ULK4: variants seen among roughly 807,000 people sequenced by gnomAD.
ULK4 encodes inactive serine/threonine-protein kinase ULK4.
ULK4 carries 133 observed loss-of-function variants against 160.6 expected under a neutral mutation model. That is an observed-to-expected ratio of 0.83 (90% CI 0.72 to 0.96). The LOEUF (loss-of-function observed/expected upper bound fraction) is 0.96, where lower values mean the gene tolerates loss of function less well. ULK4 is among the 40% of genes least tolerant of loss of function. The pLI, the probability that ULK4 is intolerant of heterozygous loss-of-function variation, is 0.00. For missense variants in ULK4, 1,580 were observed against 1,499.5 expected (o/e 1.05, Z -0.89); for synonymous variants, 534 against 539.8 (o/e 0.99, Z 0.15).
intron 32 of ULK4, among the ~76,000 whole-genome samples, chr3:41,530,000 T>C (rs917692599): frequency 6.6e-6 from 1 of 151,840 alleles, no homozygotes. Context: ...GCTAAGGGGG[T>C]ACATGGGATT....
intron 21 of ULK4, among the ~76,000 whole-genome samples, chr3:41,768,201 T>C (rs549581172): frequency 2.0e-5 from 3 of 152,178 alleles, no homozygotes; most frequent in East Asian, 1.9e-4. Flanking sequence ...CTGGAAAAAA[T>C]TGCCTTTCAC....
intron 16 of ULK4, among the ~76,000 whole-genome samples, chr3:41,888,232 T>C (rs1214538735): frequency 6.6e-6 from 1 of 152,148 alleles, no homozygotes; most frequent in East Asian, 1.9e-4. Context: ...TATGAGACAT[T>C]CTCTGTCTTT....
chr3:41,952,724 A>C lies in ULK4; in HGVS notation c.138+1898T>G, dbSNP rs138065080. 1.1e-4 allele frequency among the ~76,000 whole-genome samples: 16 copies of C among 152,368 alleles called. No homozygotes were observed. The East Asian group carries it at 3.1e-3, about 29-fold the overall frequency. Reference sequence around the variant, plus strand: ...AGCAATTCCACTTCTGAGTATATACACAAAATAAAGCAAGATCTCAAAGAG... The same window carrying C: ...AGCAATTCCACTTCTGAGTATATACCCAAAATAAAGCAAGATCTCAAAGAG... On this transcript the variant is annotated intron_variant, in intron 2 of 36. Transcript: ENST00000301831.
chr3:41,702,936 C>G lies in ULK4; in HGVS notation c.2781+2121G>C, dbSNP rs934092925. Among the ~76,000 whole-genome samples, 4 of 151,284 alleles carry G rather than the reference C, an allele frequency of 2.6e-5. No individual in the cohort carries two copies. The South Asian group carries it at 6.3e-4, about 24-fold the overall frequency. On this transcript the variant is annotated intron_variant, in intron 27 of 36. Transcript: ENST00000301831. Reference sequence around the variant, plus strand: ...CAGCACAACCTCAGCTCACTGCAACCTCCGCCTCCCAGGTTCAAGCGACTC... The same window carrying G: ...CAGCACAACCTCAGCTCACTGCAACGTCCGCCTCCCAGGTTCAAGCGACTC...
rs141905921 is a variant in ULK4 at position 41,813,663 on chromosome 3, C to G, written c.1848+5760G>C. ...GGATTTTAATAAGAGCTAAAATGTA[C>G]AGTTATATTTTCTGGTTTTTTAAAT... On this transcript the variant is annotated intron_variant, in intron 19 of 36. Coordinates refer to ENST00000301831, the MANE Select transcript of ULK4 (RefSeq NM_017886.4). 4.6e-3 allele frequency among the ~76,000 whole-genome samples: 706 copies of G among 152,200 alleles called. 2 individuals are homozygous for G. The highest frequency in any genetic ancestry group is 7.9e-3 in the Non-Finnish European group (535 of 67,994).
chr3:41,666,869 G>C (rs943044801), intron 29 of ULK4, among the ~76,000 whole-genome samples: 3 of 152,050 alleles, frequency 2.0e-5, no homozygotes, highest in Admixed American at 2.0e-4. Flanking sequence ...ATTGGCCAGG[G>C]ATAGTGGCTC....
At chr3:41,438,166 A>T (rs1393625883) in intron 34 of ULK4, among the ~76,000 whole-genome samples, 2 of 150,186 alleles carry the variant, frequency 1.3e-5, no homozygotes, top group Non-Finnish European at 2.9e-5. Context: ...GGCATTTTTT[A>T]AAATAATTAT....
rs568073757 is a variant in ULK4 at position 41,643,244 on chromosome 3, T to C, written c.3071+20363A>G. On this transcript the variant is annotated intron_variant, in intron 30 of 36. Coordinates refer to ENST00000301831, the MANE Select transcript of ULK4 (RefSeq NM_017886.4). ...GCTTTTGTTGCCATTGCTTTTGGTG[T>C]TTTAGACATGAAGTCCTTGCCCATG... Among the ~76,000 whole-genome samples the C allele has an allele frequency of 3.9e-5, 6 of 152,242 alleles. No homozygotes were observed. The East Asian group carries it at 1.2e-3, about 29-fold the overall frequency.
intron 3 of ULK4, among the ~76,000 whole-genome samples, chr3:41,936,296 T>G (rs903527411): frequency 2.6e-5 from 4 of 152,224 alleles, no homozygotes; most frequent in African/African-American, 9.6e-5. Context: ...CGTTTACTGT[T>G]GTGCAGTCAG....
In ULK4 at chr3:41,800,248, C is replaced by T; in HGVS notation, c.1894G>A (p.Val632Ile). 4 of 1,613,112 alleles carry T rather than the reference C, an allele frequency of 2.5e-6. No homozygotes were observed. The highest frequency in any genetic ancestry group is 1.1e-5 in the South Asian group (1 of 90,776). Residue 632 changes from valine to isoleucine, a missense_variant, in exon 20 of 37, where the codon GTC becomes ATC. Physicochemically the swap from Val to Ile is conservative, Grantham distance 29. Coordinates refer to ENST00000301831, the MANE Select transcript of ULK4 (RefSeq NM_017886.4). The stretch of plus-strand genomic sequence containing the variant: ...GACTGAGCAGAAAAGGTGGTACAGA[C>T]ATTTTCAATAATTTTTGCTGCCATG... ...NHMAAKIIENVCTTFSAQSQG... is the reference protein window; with the variant it reads ...NHMAAKIIENICTTFSAQSQG...
chr3:41,715,486 G>A lies in ULK4; in HGVS notation c.2538C>T (p.Leu846=). The A allele has an allele frequency of 3.1e-6, 5 of 1,614,082 alleles. No homozygotes were observed. Among genetic ancestry groups the A allele is most frequent in the South Asian group, 2.2e-5 (2 of 91,074 alleles). The change falls in exon 24 of 37, where the codon CTC becomes CTT. Residue 846 remains leucine (L), a synonymous_variant. Coordinates refer to ENST00000301831, the MANE Select transcript of ULK4 (RefSeq NM_017886.4). ...GGTGAAGCACTACAGGCATCAGGGG[G>A]AGACACAACTTCAGCTGTTTCACTT... The part of the protein sequence containing the change: ...TVQVKQLKLC[L]PLMPVVLHLV...
At chr3:41,603,903 T>C (rs550249686) in intron 31 of ULK4, among the ~76,000 whole-genome samples, 49 of 152,120 alleles carry the variant, frequency 3.2e-4, no homozygotes, top group Non-Finnish European at 5.6e-4. Context: ...CAGCACTACA[T>C]TAAAAATAAT....
At chr3:41,555,134 T>A (rs1308776558) in intron 32 of ULK4, among the ~76,000 whole-genome samples, 4 of 152,004 alleles carry the variant, frequency 2.6e-5, no homozygotes, top group Non-Finnish European at 5.9e-5. Context: ...ATAAATTGAC[T>A]TTTGAAAAAA....
At chr3:41,514,534 G>T (rs1195129694) in intron 32 of ULK4, among the ~76,000 whole-genome samples, 1 of 152,008 alleles carries the variant, frequency 6.6e-6, no homozygotes, top group Non-Finnish European at 1.5e-5. Context: ...AATCGACCTG[G>T]GTGTCCATTA....
At chr3:41,469,181 G>A (rs1454478469) in intron 32 of ULK4, among the ~76,000 whole-genome samples, 1 of 152,082 alleles carries the variant, frequency 6.6e-6, no homozygotes, top group African/African-American at 2.4e-5. Context: ...ATCACACCCA[G>A]GAGTTTAAAC....
At chr3:41,389,016 G>A (rs1047062880) in intron 35 of ULK4, among the ~76,000 whole-genome samples, 121 of 151,992 alleles carry the variant, frequency 8.0e-4, no homozygotes, top group African/African-American at 2.8e-3. Flanking sequence ...AGCATGGAAT[G>A]TTCTTCCATT....
At chr3:41,768,307 T>G (rs2125915827) in intron 21 of ULK4, among the ~76,000 whole-genome samples, 1 of 152,306 alleles carries the variant, frequency 6.6e-6, no homozygotes, top group Non-Finnish European at 1.5e-5. Context: ...ATTTGTTAAG[T>G]AAATCATAAT....
chr3:41,879,261 T>C (rs1173587056), intron 17 of ULK4, among the ~76,000 whole-genome samples: 1 of 152,070 alleles, frequency 6.6e-6, no homozygotes, highest in Non-Finnish European at 1.5e-5. Flanking sequence ...AATGAAATCA[T>C]GGTTATACAT....
At chr3:41,596,325 T>C (rs1024417077) in intron 31 of ULK4, among the ~76,000 whole-genome samples, 3 of 152,222 alleles carry the variant, frequency 2.0e-5, no homozygotes, top group Non-Finnish European at 4.4e-5. Flanking sequence ...ATTGTGTATT[T>C]TTCTCCAGGA....
Sources: gnomAD v4.1 joint callset for allele counts (sites outside exome capture counted in the v4.1 genomes callset) on GRCh38, gnomAD v4.1.1 for gene constraint, MANE v1.5 for transcripts, NCBI Gene and HGNC (gene_info 2026-07-23, HGNC 2026-07-21) for gene names.